Variants in AKAP6 observed in about 807,000 individuals in gnomAD.
AKAP6 encodes the protein A-kinase anchoring protein 6.
A neutral mutation model predicts 188.5 loss-of-function variants in AKAP6; 58 were observed. That is an observed-to-expected ratio of 0.31 (90% CI 0.25 to 0.38). AKAP6 has a LOEUF of 0.38. Among genes scored for constraint, AKAP6 ranks in the 10% least tolerant of loss-of-function variants. AKAP6 has a pLI of 1.00. For synonymous variants in AKAP6, 989 were observed against 998.6 expected (o/e 0.99, Z 0.18); for missense variants, 2,710 against 2,740.0 (o/e 0.99, Z 0.24).
intron 7 of AKAP6, among the ~76,000 whole-genome samples, chr14:32,677,961 T>A (rs1889503353): frequency 6.6e-6 from 1 of 152,184 alleles, no homozygotes; most frequent in East Asian, 1.9e-4. Flanking sequence ...GGGGGATTTT[T>A]AAAAAATAAG....
chr14:32,590,297 T>C (rs1885435255), intron 5 of AKAP6, among the ~76,000 whole-genome samples: 1 of 151,570 alleles, frequency 6.6e-6, no homozygotes, highest in Non-Finnish European at 1.5e-5. Context: ...CTCTTTGGTG[T>C]CTCCCCCAAC....
intron 12 of AKAP6, among the ~76,000 whole-genome samples, chr14:32,820,780 G>A (rs892991360): frequency 3.3e-5 from 5 of 152,144 alleles, no homozygotes; most frequent in African/African-American, 1.2e-4. Flanking sequence ...ATGTCTGATT[G>A]GGAGCAGGGC....
At chr14:32,769,054 T>A (rs2032812254) in intron 11 of AKAP6, among the ~76,000 whole-genome samples, 2 of 119,550 alleles carry the variant, frequency 1.7e-5, no homozygotes, top group African/African-American at 6.1e-5. Flanking sequence ...TTTTTTTTTT[T>A]TTTTTTTTTT....
chr14:32,424,480 A>G (rs982774764), intron 1 of AKAP6, among the ~76,000 whole-genome samples: 1 of 133,582 alleles, frequency 7.5e-6, no homozygotes, highest in African/African-American at 2.9e-5. Context: ...TTTCTCTTTA[A>G]AAAAAAATTT....
chr14:32,366,088 T>C (rs1470172368), intron 1 of AKAP6, among the ~76,000 whole-genome samples: 2 of 151,998 alleles, frequency 1.3e-5, no homozygotes, highest in African/African-American at 2.4e-5. Context: ...ACCACACACA[T>C]TAAACAGCAA....
At chr14:32,591,191 C>G (rs1297655964) in intron 5 of AKAP6, among the ~76,000 whole-genome samples, 2 of 152,170 alleles carry the variant, frequency 1.3e-5, no homozygotes, top group Non-Finnish European at 2.9e-5. Flanking sequence ...TGGGCCAGCA[C>G]TGACCTCCTT....
At chr14:32,394,352 G>A (rs1035621429) in intron 1 of AKAP6, among the ~76,000 whole-genome samples, 1 of 152,148 alleles carries the variant, frequency 6.6e-6, no homozygotes, top group Non-Finnish European at 1.5e-5. Flanking sequence ...GATTCCAAAG[G>A]AGCCTGGCAA....
intron 11 of AKAP6, among the ~76,000 whole-genome samples, chr14:32,758,404 A>G (rs2300840): frequency 0.089 from 13,565 of 152,200 alleles, 1,192 homozygotes; most frequent in East Asian, 0.38. Context: ...TCTGTAAAAT[A>G]TAGGTAATAA....
intron 7 of AKAP6, among the ~76,000 whole-genome samples, chr14:32,668,737 A>G (rs975639366): frequency 6.6e-6 from 1 of 152,060 alleles, no homozygotes; most frequent in African/African-American, 2.4e-5. Flanking sequence ...GGAACTGCCA[A>G]TATGATCAGT....
At chr14:32,620,323 T>C (rs1294962345) in intron 7 of AKAP6, among the ~76,000 whole-genome samples, 2 of 152,142 alleles carry the variant, frequency 1.3e-5, no homozygotes, top group Non-Finnish European at 2.9e-5. Flanking sequence ...GCTTTTGTTA[T>C]TCTGCGACAT....
At chr14:32,741,950 A>G (rs1265087096) in intron 11 of AKAP6, among the ~76,000 whole-genome samples, 1 of 147,856 alleles carries the variant, frequency 6.8e-6, no homozygotes. Context: ...TAGGATTGGT[A>G]TTAGTTTCTC....
chr14:32,620,092 A>G (rs941678262), intron 7 of AKAP6, among the ~76,000 whole-genome samples: 1 of 152,086 alleles, frequency 6.6e-6, no homozygotes, highest in African/African-American at 2.4e-5. Flanking sequence ...AGGATTCTTT[A>G]TGATCAAAAC....
intron 1 of AKAP6, among the ~76,000 whole-genome samples, chr14:32,369,169 T>C (rs545821445): frequency 1.3e-5 from 2 of 152,054 alleles, no homozygotes; most frequent in African/African-American, 2.4e-5. Flanking sequence ...GGGACCCAGA[T>C]GAAAGATAGC....
intron 1 of AKAP6, among the ~76,000 whole-genome samples, chr14:32,363,583 C>G (rs890209754): frequency 1.2e-4 from 18 of 152,302 alleles, no homozygotes; most frequent in Admixed American, 9.8e-4. Context: ...GTCCTATGTT[C>G]AAGGACAGGA....
chr14:32,354,437 G>A (rs944683642), intron 1 of AKAP6, among the ~76,000 whole-genome samples: 2 of 152,040 alleles, frequency 1.3e-5, no homozygotes, highest in Non-Finnish European at 2.9e-5. Flanking sequence ...ACCTAAACTG[G>A]CAGTACTAAA....
chr14:32,432,194 G>C (rs1594607568), intron 1 of AKAP6, among the ~76,000 whole-genome samples: 1 of 151,680 alleles, frequency 6.6e-6, no homozygotes, highest in African/African-American at 2.4e-5. Context: ...ACTTGAATTT[G>C]TAGAACCCGA....
intron 2 of AKAP6, among the ~76,000 whole-genome samples, chr14:32,532,799 T>C (rs953322332): frequency 6.6e-6 from 1 of 152,184 alleles, no homozygotes; most frequent in Admixed American, 6.5e-5. Flanking sequence ...GAGTGGAGAC[T>C]ACTGCCAAGA....
chr14:32,497,263 G>T (rs1880367622), intron 2 of AKAP6, among the ~76,000 whole-genome samples: 1 of 152,010 alleles, frequency 6.6e-6, no homozygotes, highest in Non-Finnish European at 1.5e-5. Flanking sequence ...ATAGGTGTTT[G>T]GTGCTATAAA....
chr14:32,689,043 A>C (rs1890050841), intron 8 of AKAP6, among the ~76,000 whole-genome samples: 1 of 152,180 alleles, frequency 6.6e-6, no homozygotes, highest in Non-Finnish European at 1.5e-5. Context: ...TTAACACACA[A>C]ATGATAACAT....
Sources: gnomAD v4.1 joint callset for allele counts (sites outside exome capture counted in the v4.1 genomes callset) on GRCh38, gnomAD v4.1.1 for gene constraint, MANE v1.5 for transcripts, NCBI Gene and HGNC (gene_info 2026-07-23, HGNC 2026-07-21) for gene names.